Variants in SUGCT observed in about 807,000 individuals in gnomAD.
The protein encoded by SUGCT is succinyl-CoA:glutarate CoA-transferase.
SUGCT carries 41 observed loss-of-function variants against 55.0 expected under a neutral mutation model. That is an observed-to-expected ratio of 0.74 (90% CI 0.58 to 0.97). The LOEUF (loss-of-function observed/expected upper bound fraction) is 0.97. Among genes scored for constraint, SUGCT ranks in the 50% least tolerant of loss-of-function variants. The pLI is 0.00. For synonymous variants in SUGCT, 187 were observed against 200.4 expected (o/e 0.93, Z 0.56); for missense variants, 568 against 547.8 (o/e 1.04, Z -0.37).
At chr7:40,173,501 G>C (rs1248934638) in intron 1 of SUGCT, among the ~76,000 whole-genome samples, 3 of 152,328 alleles carry the variant, frequency 2.0e-5, no homozygotes, top group African/African-American at 4.8e-5. Flanking sequence ...GGACCCAAAG[G>C]GGGTTGCCCA....
chr7:40,845,109 A>G (rs183155007), intron 13 of SUGCT, among the ~76,000 whole-genome samples: 263 of 152,014 alleles, frequency 1.7e-3, no homozygotes, highest in Middle Eastern at 0.01. Context: ...CTGATGGAAT[A>G]CTCATATGGT....
the SUGCT span, among the ~76,000 whole-genome samples, chr7:40,924,669 C>A: frequency 6.6e-6 from 1 of 152,130 alleles, no homozygotes; most frequent in Non-Finnish European, 1.5e-5. Flanking sequence ...ACTAGGTATC[C>A]ATTACAAGAC....
chr7:40,703,992 G>T (rs183176521), intron 12 of SUGCT, among the ~76,000 whole-genome samples: 1 of 152,328 alleles, frequency 6.6e-6, no homozygotes, highest in Admixed American at 6.5e-5. Context: ...AGACTTGTAC[G>T]GTGGATCCTC....
At chr7:40,726,574 C>T (rs1429942435) in intron 12 of SUGCT, among the ~76,000 whole-genome samples, 1 of 152,114 alleles carries the variant, frequency 6.6e-6, no homozygotes. Flanking sequence ...AACCTGCATA[C>T]TTAAGACACT....
intron 12 of SUGCT, among the ~76,000 whole-genome samples, chr7:40,560,348 T>G (rs983216351): frequency 6.6e-6 from 1 of 152,160 alleles, no homozygotes; most frequent in African/African-American, 2.4e-5. Context: ...TGGAGGGCCT[T>G]GTAGAAAATA....
the SUGCT span, among the ~76,000 whole-genome samples, chr7:41,023,360 A>C: frequency 6.6e-6 from 1 of 152,212 alleles, no homozygotes; most frequent in Non-Finnish European, 1.5e-5. Flanking sequence ...GAAAGTAAGG[A>C]ATGAGAAAAG....
intron 9 of SUGCT, among the ~76,000 whole-genome samples, chr7:40,375,659 A>G (rs1210890738): frequency 1.3e-5 from 2 of 152,172 alleles, no homozygotes; most frequent in African/African-American, 4.8e-5. Flanking sequence ...AGTTCCTTCT[A>G]CCTTTATTCT....
intron 12 of SUGCT, among the ~76,000 whole-genome samples, chr7:40,646,303 C>A (rs999580456): frequency 6.6e-6 from 1 of 152,164 alleles, no homozygotes. Context: ...CCACTTCTAC[C>A]CTTTTCTATC....
intron 7 of SUGCT, among the ~76,000 whole-genome samples, chr7:40,266,364 G>A (rs1048988890): frequency 1.3e-5 from 2 of 151,434 alleles, no homozygotes; most frequent in African/African-American, 4.8e-5. Flanking sequence ...GGTCAGGCTG[G>A]TCTCAAACTC....
At chr7:40,823,843 G>T (rs530215554) in intron 13 of SUGCT, among the ~76,000 whole-genome samples, 2 of 152,246 alleles carry the variant, frequency 1.3e-5, no homozygotes, top group African/African-American at 4.8e-5. Flanking sequence ...ATCACTCCTA[G>T]TCCCACGAAA....
At chr7:40,146,921 T>C (rs1788276269) in intron 1 of SUGCT, among the ~76,000 whole-genome samples, 1 of 152,162 alleles carries the variant, frequency 6.6e-6, no homozygotes, top group Non-Finnish European at 1.5e-5. Context: ...GGGTACACTG[T>C]TTTCTCTTTA....
At chr7:40,269,221 T>G (rs1340222371) in intron 7 of SUGCT, among the ~76,000 whole-genome samples, 1 of 152,240 alleles carries the variant, frequency 6.6e-6, no homozygotes, top group Non-Finnish European at 1.5e-5. Flanking sequence ...TCTTTTCATG[T>G]GCCCATTGGT....
intron 9 of SUGCT, among the ~76,000 whole-genome samples, chr7:40,327,011 C>T (rs942456987): frequency 4.6e-5 from 7 of 152,068 alleles, no homozygotes; most frequent in African/African-American, 1.7e-4. Flanking sequence ...TTATTGGGAA[C>T]GAAAGAGTAG....
the SUGCT span, among the ~76,000 whole-genome samples, chr7:40,868,476 T>C: frequency 6.6e-6 from 1 of 152,220 alleles, no homozygotes; most frequent in African/African-American, 2.4e-5. Context: ...TCCATGTCCC[T>C]GCAAATGACA....
At chr7:40,396,796 T>G (rs1785757616) in intron 9 of SUGCT, among the ~76,000 whole-genome samples, 1 of 152,208 alleles carries the variant, frequency 6.6e-6, no homozygotes, top group African/African-American at 2.4e-5. Flanking sequence ...CTTTTTTTAT[T>G]ACCTCATTCT....
chr7:40,881,601 T>C, the SUGCT span, among the ~76,000 whole-genome samples: 1 of 152,340 alleles, frequency 6.6e-6, no homozygotes, highest in Admixed American at 6.5e-5. Flanking sequence ...AAAGAGGACA[T>C]TGTTAAGCCC....
intron 3 of SUGCT, among the ~76,000 whole-genome samples, chr7:40,183,339 T>C (rs1785322863): frequency 6.6e-6 from 1 of 152,146 alleles, no homozygotes; most frequent in Admixed American, 6.5e-5. Flanking sequence ...TTTCTATTCC[T>C]TTTTGTTTTT....
chr7:40,320,118 T>C (rs1795648474), intron 9 of SUGCT, among the ~76,000 whole-genome samples: 1 of 151,944 alleles, frequency 6.6e-6, no homozygotes, highest in Admixed American at 6.6e-5. Context: ...TTTTTTGTTT[T>C]TTTTTTGAGA....
At chr7:40,149,270 A>G (rs1788424789) in intron 1 of SUGCT, among the ~76,000 whole-genome samples, 1 of 152,164 alleles carries the variant, frequency 6.6e-6, no homozygotes, top group African/African-American at 2.4e-5. Context: ...CAAAATTATG[A>G]CTGAGATAGT....
Sources: allele counts gnomAD v4.1 joint callset (sites outside exome capture counted in the v4.1 genomes callset), GRCh38; gene constraint gnomAD v4.1.1; transcripts MANE v1.5; gene names NCBI Gene and HGNC (gene_info 2026-07-23, HGNC 2026-07-21).